PIK3AP1: variants seen among roughly 807,000 people sequenced by gnomAD.
The protein encoded by PIK3AP1 is phosphoinositide 3-kinase adapter protein 1.
Under a neutral mutation model 88.1 loss-of-function variants are expected in PIK3AP1, and 21 were observed. The observed-to-expected ratio is 0.24, with a 90% CI of 0.17 to 0.34. PIK3AP1 has a LOEUF of 0.34. Ranked by LOEUF, PIK3AP1 falls within the 10% of genes least tolerant of loss-of-function variation. The pLI, the probability that PIK3AP1 is intolerant of heterozygous loss-of-function variation, is 1.00. For missense variants in PIK3AP1, 828 were observed against 1,035.7 expected, an observed-to-expected ratio of 0.80 and a Z score of 2.75; for synonymous variants, 398 against 400.0, an observed-to-expected ratio of 1.00 and a Z score of 0.06.
intron 2 of PIK3AP1, among the ~76,000 whole-genome samples, chr10:96,699,532 T>A (rs1844266166): frequency 6.6e-6 from 1 of 152,238 alleles, no homozygotes; most frequent in African/African-American, 2.4e-5. Context: ...TGGCCCACAT[T>A]ATACATTTTT....
chr10:96,627,854 G>A (rs967852970), intron 9 of PIK3AP1, among the ~76,000 whole-genome samples: 6 of 152,090 alleles, frequency 3.9e-5, no homozygotes, highest in African/African-American at 1.4e-4. Context: ...ATTTTACAAC[G>A]GAGGAAACTG....
At chr10:96,664,911 A>G (rs956112637) in intron 2 of PIK3AP1, among the ~76,000 whole-genome samples, 2 of 141,526 alleles carry the variant, frequency 1.4e-5, no homozygotes, top group African/African-American at 5.3e-5. Context: ...GTTTCCTTCA[A>G]AGGAAATGCC....
At position 96,602,298 on chromosome 10, in the gene PIK3AP1, G is replaced by T. The variant is rs1342073621; in HGVS notation, c.2342C>A (p.Pro781Gln). Residue 781 changes from proline (P) to glutamine (Q), a missense_variant, in exon 16 of 17, where the codon CCG (proline) becomes CAG (glutamine). Coordinates refer to ENST00000339364, the MANE Select transcript of PIK3AP1 (RefSeq NM_152309.3). ...MSLERPPRVPPRAASQRPPTR... is the reference protein window; with the variant it reads ...MSLERPPRVPQRAASQRPPTR... ...ATGTTACCTCTGTGAGGCAGCTCTCGGAGGCACCCTGGGGGGTCTCTCGAG... is the reference window on the plus strand; with the variant it reads ...ATGTTACCTCTGTGAGGCAGCTCTCTGAGGCACCCTGGGGGGTCTCTCGAG... The T allele has an allele frequency of 1.2e-6, 2 of 1,605,664 alleles. No homozygotes were observed. Among genetic ancestry groups the T allele is most frequent in the Non-Finnish European group, 1.7e-6 (2 of 1,176,924 alleles).
At chr10:96,617,482 C>T (rs971555493) in intron 12 of PIK3AP1, among the ~76,000 whole-genome samples, 7 of 152,162 alleles carry the variant, frequency 4.6e-5, no homozygotes, top group Admixed American at 3.9e-4. Context: ...TGAAGAGACT[C>T]ACCTGTGTCC....
At chr10:96,674,847 T>G (rs952592557) in intron 2 of PIK3AP1, among the ~76,000 whole-genome samples, 1 of 152,272 alleles carries the variant, frequency 6.6e-6, no homozygotes, top group Admixed American at 6.5e-5. Context: ...AGTCCCAGTC[T>G]TCCGAGAAAC....
Position 96,620,363 on chromosome 10 carries a change from G to T in PIK3AP1, c.1930C>A (p.Arg644Ser). 2 of 1,613,986 alleles carry T rather than the reference G, an allele frequency of 1.2e-6. No individual in the cohort carries two copies. The highest frequency in any genetic ancestry group is 1.7e-6 in the Non-Finnish European group (2 of 1,179,882). ...LNQKKRSESF[R>S]FQQENLKRLR... ...ACGAAGCTAGTTACCTGCTGGAAAC[G>T]AAAGGACTCCGATCGTTTCTTCTGG... is the stretch of plus-strand genomic sequence containing the variant. Residue 644 changes from arginine to serine, a missense_variant, in exon 12 of 17, where the codon CGT becomes AGT. Coordinates refer to ENST00000339364, the MANE Select transcript of PIK3AP1 (RefSeq NM_152309.3).
intron 8 of PIK3AP1, among the ~76,000 whole-genome samples, chr10:96,637,391 T>TC (rs1299134302): frequency 6.6e-6 from 1 of 151,290 alleles, no homozygotes; most frequent in Admixed American, 6.6e-5. Context: ...TGATTCAGGG[T>TC]CCCACTCTGT....
chr10:96,695,873 G>A (rs2134278255), intron 2 of PIK3AP1, among the ~76,000 whole-genome samples: 1 of 152,326 alleles, frequency 6.6e-6, no homozygotes, highest in East Asian at 1.9e-4. Flanking sequence ...CTGTGGGACA[G>A]GTTGTTGTAT....
At chr10:96,676,663 T>A (rs2134259088) in intron 2 of PIK3AP1, among the ~76,000 whole-genome samples, 1 of 151,886 alleles carries the variant, frequency 6.6e-6, no homozygotes, top group Non-Finnish European at 1.5e-5. Flanking sequence ...GGTTTTTTTT[T>A]TTTTTTTTTG....
At chr10:96,644,554 TCTA>T (rs1589510171) in intron 8 of PIK3AP1, among the ~76,000 whole-genome samples, 3 of 152,312 alleles carry the variant, frequency 2.0e-5, no homozygotes, top group East Asian at 3.9e-4. Flanking sequence ...GAGGGGAACT[TCTA>T]CTGCTCATTC....
chr10:96,694,678 T>C (rs1160548838), intron 2 of PIK3AP1, among the ~76,000 whole-genome samples: 1 of 151,878 alleles, frequency 6.6e-6, no homozygotes, highest in Non-Finnish European at 1.5e-5. Flanking sequence ...GGACCACAGG[T>C]GCATGCCACC....
At chr10:96,612,964 A>G (rs71494062) in intron 13 of PIK3AP1, among the ~76,000 whole-genome samples, 37 of 108,868 alleles carry the variant, frequency 3.4e-4, no homozygotes, top group African/African-American at 1.5e-3. Context: ...ATATATATAT[A>G]TATATATATA....
intron 14 of PIK3AP1, among the ~76,000 whole-genome samples, chr10:96,606,929 G>A (rs932562533): frequency 1.2e-4 from 19 of 152,180 alleles, no homozygotes. Flanking sequence ...ACTAGCGTCT[G>A]TTTTAAAAAA....
chr10:96,703,384 T>C (rs183188607), intron 2 of PIK3AP1, among the ~76,000 whole-genome samples: 6 of 152,118 alleles, frequency 3.9e-5, no homozygotes, highest in Non-Finnish European at 8.8e-5. Context: ...GAGAAAATAA[T>C]GCATAAAAAG....
rs182924962 is a variant in PIK3AP1, at chr10:96,687,958, T to G, written c.430+21609A>C. Among the ~76,000 whole-genome samples the G allele has an allele frequency of 1.5e-4, 23 of 152,156 alleles. No individual in the cohort carries two copies. The East Asian group carries it at 4.3e-3, about 28-fold the overall frequency. On this transcript the variant is annotated intron_variant, in intron 2 of 16. Coordinates refer to ENST00000339364, the MANE Select transcript of PIK3AP1 (RefSeq NM_152309.3). Reference sequence around the variant, plus strand: ...GCAACGGTTGGGAAGCTAGTTAGGGTGACTTATTCACAGAGCTGGTTTGGA... The same window carrying G: ...GCAACGGTTGGGAAGCTAGTTAGGGGGACTTATTCACAGAGCTGGTTTGGA...
chr10:96,618,608 A>G (rs1444366951), intron 12 of PIK3AP1: 1 of 152,626 alleles, frequency 6.6e-6, no homozygotes, highest in African/African-American at 2.4e-5. Flanking sequence ...AAAAAAAGAA[A>G]AAAAGAAAGA....
chr10:96,633,138 A>G, intron 8 of PIK3AP1: 1 of 1,452,968 alleles, frequency 6.9e-7, no homozygotes, highest in South Asian at 1.4e-5. Flanking sequence ...TGCCAGAGTC[A>G]ATGCCCTCAG....
chr10:96,714,666 G>T (rs1343737808), intron 1 of PIK3AP1, among the ~76,000 whole-genome samples: 2 of 152,226 alleles, frequency 1.3e-5, no homozygotes, highest in African/African-American at 4.8e-5. Context: ...GGAGCATCTT[G>T]TAGTGCCAGA....
At position 96,720,347 on chromosome 10, in the gene PIK3AP1, G is replaced by A. The variant is rs532297586; in HGVS notation, c.13+35C>T. ...GGATGCGGGGTACGAGAGAGGGGCC[G>A]GGAGCCCGGGGACCCGCGGCGCCTG... is the stretch of plus-strand genomic sequence containing the variant. On this transcript the variant is annotated intron_variant, in intron 1 of 16. Transcript: ENST00000339364. The surrounding 1 kb of genome is among the most constrained non-coding windows in gnomAD (Gnocchi z 4.6). The A allele has an allele frequency of 2.9e-4, 358 of 1,242,748 alleles. 2 individuals are homozygous for A. In the East Asian group the frequency reaches 0.011, roughly 38 times the overall value. 77.0% of individuals were successfully genotyped at this position (1,242,748 alleles called of 1,614,324 possible). A position where few individuals can be genotyped will look rare whatever the true frequency, so the allele number is the denominator to read the frequency against.
Sources: gnomAD v4.1 joint callset for allele counts (sites outside exome capture counted in the v4.1 genomes callset) on GRCh38, gnomAD v4.1.1 for gene constraint, Gnocchi (gnomAD v3.1) non-coding constraint, MANE v1.5 for transcripts, NCBI Gene and HGNC (gene_info 2026-07-23, HGNC 2026-07-21) for gene names.